EYS: variants seen among roughly 807,000 people sequenced by gnomAD.
EYS encodes the protein EGF-like photoreceptor maintenance factor.
EYS carries 250 observed loss-of-function variants against 282.1 expected under a neutral mutation model. That is an observed-to-expected ratio of 0.89 (90% CI 0.80 to 0.98). The LOEUF (loss-of-function observed/expected upper bound fraction) is 0.98. Among genes scored for constraint, EYS ranks in the 50% least tolerant of loss-of-function variants. The probability of loss-of-function intolerance (pLI) is 0.00; values close to 1 mark genes in which losing one functional copy is unlikely to be tolerated. For synonymous variants in EYS, 1,355 were observed against 1,282.9 expected, an observed-to-expected ratio of 1.06 and a Z score of -1.20; for missense variants, 4,016 against 3,709.0, an observed-to-expected ratio of 1.08 and a Z score of -2.15.
At chr6:64,581,814 C>T (rs868235411) in intron 26 of EYS, among the ~76,000 whole-genome samples, 4 of 151,978 alleles carry the variant, frequency 2.6e-5, no homozygotes, top group South Asian at 2.1e-4. Context: ...AAGGGCTTCA[C>T]GAAGGGCAGA....
intron 33 of EYS, among the ~76,000 whole-genome samples, chr6:64,030,182 T>A (rs1463891325): frequency 1.4e-5 from 2 of 146,250 alleles, no homozygotes; most frequent in Admixed American, 6.8e-5. Context: ...AGAAAAGGAG[T>A]CAGAAGGAGG....
intron 14 of EYS, among the ~76,000 whole-genome samples, chr6:64,956,468 G>A (rs190363944): frequency 2.0e-5 from 3 of 152,268 alleles, no homozygotes; most frequent in South Asian, 2.1e-4. Flanking sequence ...TTAAATCTAA[G>A]ACCTCAGACT....
chr6:64,230,505 A>G, intron 31 of EYS, 87 bp downstream of exon 31: 1 of 860,368 alleles, frequency 1.2e-6, no homozygotes, highest in Non-Finnish European at 1.8e-6. Context: ...AGTACCCATC[A>G]CTAAGTTTAC....
chr6:64,933,446 G>T (rs568316597), intron 15 of EYS, among the ~76,000 whole-genome samples: 1 of 151,894 alleles, frequency 6.6e-6, no homozygotes, highest in East Asian at 1.9e-4. Context: ...ACCATTTCAC[G>T]CCAGTTAGAA....
At chr6:65,157,028 G>A (rs1354643072) in intron 12 of EYS, among the ~76,000 whole-genome samples, 1 of 151,076 alleles carries the variant, frequency 6.6e-6, no homozygotes. Flanking sequence ...TCCTACATCT[G>A]TTATTTGACT....
At chr6:65,385,147 A>G (rs1765751990) in intron 7 of EYS, among the ~76,000 whole-genome samples, 2 of 151,896 alleles carry the variant, frequency 1.3e-5, no homozygotes, top group Admixed American at 6.6e-5. Flanking sequence ...TATTTAGTAA[A>G]CTTTCTATTA....
chr6:65,095,577 A>G (rs1279350670), intron 12 of EYS, among the ~76,000 whole-genome samples: 1 of 151,240 alleles, frequency 6.6e-6, no homozygotes, highest in Non-Finnish European at 1.5e-5. Flanking sequence ...TTATCAATAA[A>G]GTATATCTTT....
At chr6:64,936,873 A>C (rs1162023181) in intron 15 of EYS, among the ~76,000 whole-genome samples, 2 of 151,470 alleles carry the variant, frequency 1.3e-5, no homozygotes, top group Admixed American at 1.3e-4. Context: ...GTTTAGCAAA[A>C]CAATGATGGA....
chr6:64,990,616 A>G (rs1346707938), intron 14 of EYS, among the ~76,000 whole-genome samples: 1 of 151,644 alleles, frequency 6.6e-6, no homozygotes, highest in African/African-American at 2.4e-5. Context: ...GAAAGTGCTG[A>G]CTTTTGTTAG....
chr6:65,321,284 G>T (rs558100411), intron 11 of EYS, among the ~76,000 whole-genome samples: 2 of 151,886 alleles, frequency 1.3e-5, no homozygotes, highest in Non-Finnish European at 2.9e-5. Flanking sequence ...AAAACAGACT[G>T]GGAATTTGTT....
intron 37 of EYS, chr6:63,797,308 TCAAAA>T (rs1382878208): frequency 6.6e-6 from 1 of 152,016 alleles, no homozygotes; most frequent in African/African-American, 2.4e-5. Flanking sequence ...GCAATTAGAA[TCAAAA>T]CTAAAGTAAA....
At chr6:64,116,670 T>C (rs1045060151) in intron 31 of EYS, among the ~76,000 whole-genome samples, 4 of 152,110 alleles carry the variant, frequency 2.6e-5, no homozygotes, top group African/African-American at 9.7e-5. Flanking sequence ...AAAATGTCTT[T>C]AAGGACTGAG....
chr6:64,046,492 C>T (rs1770630312), intron 33 of EYS, among the ~76,000 whole-genome samples: 1 of 151,450 alleles, frequency 6.6e-6, no homozygotes, highest in South Asian at 2.1e-4. Flanking sequence ...TCTTCTACAT[C>T]TTAACTTAAT....
At chr6:64,213,269 T>C (rs145636391) in intron 31 of EYS, among the ~76,000 whole-genome samples, 107 of 146,080 alleles carry the variant, frequency 7.3e-4, no homozygotes, top group African/African-American at 2.5e-3. Flanking sequence ...ATTAAAACCA[T>C]AGCAAATACA....
chr6:64,525,587 G>A (rs1250161445), intron 26 of EYS, among the ~76,000 whole-genome samples: 1 of 151,600 alleles, frequency 6.6e-6, no homozygotes. Flanking sequence ...CTTAGTACCT[G>A]GGTGATGAAA....
At chr6:64,010,442 G>T (rs1198514916) in intron 33 of EYS, among the ~76,000 whole-genome samples, 1 of 152,052 alleles carries the variant, frequency 6.6e-6, no homozygotes, top group African/African-American at 2.4e-5. Flanking sequence ...GCTGTGGCCT[G>T]TAATTTCTCT....
At chr6:64,155,555 C>G (rs144036785) in intron 31 of EYS, among the ~76,000 whole-genome samples, 1 of 152,032 alleles carries the variant, frequency 6.6e-6, no homozygotes, top group Non-Finnish European at 1.5e-5. Flanking sequence ...AGCTTCACAA[C>G]GTTGGTCTGA....
At chr6:63,761,728 G>T (rs1158279306) in intron 41 of EYS, among the ~76,000 whole-genome samples, 1 of 151,958 alleles carries the variant, frequency 6.6e-6, no homozygotes, top group African/African-American at 2.4e-5. Context: ...GCAGGATAGA[G>T]AAATAGTAGA....
intron 33 of EYS, among the ~76,000 whole-genome samples, chr6:64,010,980 T>G (rs1362011673): frequency 1.3e-5 from 2 of 151,950 alleles, no homozygotes; most frequent in African/African-American, 4.8e-5. Flanking sequence ...AATATATTTA[T>G]ATTCCCTTAT....
Sources: allele counts gnomAD v4.1 joint callset (sites outside exome capture counted in the v4.1 genomes callset), GRCh38; gene constraint gnomAD v4.1.1; transcripts MANE v1.5; gene names NCBI Gene and HGNC (gene_info 2026-07-23, HGNC 2026-07-21).